Variants in DPEP1 observed in about 807,000 individuals in gnomAD.
The protein encoded by DPEP1 is beta-lactamase.
Under a neutral mutation model 42.3 loss-of-function variants are expected in DPEP1, and 50 were observed. The ratio of observed to expected loss-of-function variants is 1.18; its 90% CI spans 0.94 to 1.50. The LOEUF (loss-of-function observed/expected upper bound fraction) is 1.50. Among genes scored for constraint, DPEP1 ranks in the 40% most tolerant of loss-of-function variants. The pLI is 0.00. For synonymous variants in DPEP1, 297 were observed against 234.0 expected (o/e 1.27, Z -2.46); for missense variants, 663 against 553.0 (o/e 1.20, Z -1.99).
chr16:89,640,234 G>C (rs948907424), downstream of DPEP1, among the ~76,000 whole-genome samples: 1 of 152,230 alleles, frequency 6.6e-6, no homozygotes, highest in Non-Finnish European at 1.5e-5. Context: ...GGCCCTGGGG[G>C]TGAGGGGACT....
At position 89,636,254 on chromosome 16, in the gene DPEP1, C is replaced by G; in HGVS notation, c.238-10C>G. 6.2e-7 allele frequency: 1 copy of G among 1,602,636 alleles called. No individual in the cohort carries two copies. Among genetic ancestry groups the G allele is most frequent in the African/African-American group, 1.3e-5 (1 of 74,930 alleles). On this transcript the variant is annotated splice_polypyrimidine_tract_variant and intron_variant, in intron 3 of 10. Coordinates refer to ENST00000690203, the MANE Select transcript of DPEP1 (RefSeq NM_001389466.1). The stretch of plus-strand genomic sequence containing the variant: ...CTGCATCAGCTCCTGGCACCCCCTG[C>G]GGCCCACAGTTCTGGTCCGTGTACA...
intron 2 of DPEP1, among the ~76,000 whole-genome samples, chr16:89,634,091 C>CTT (rs3039849): frequency 2.4e-5 from 3 of 123,690 alleles, no homozygotes; most frequent in Admixed American, 8.3e-5. Flanking sequence ...TTCTCTTCTT[C>CTT]TTTTTTTTTT....
chr16:89,638,796 C>CA (rs1295642970), downstream of DPEP1, among the ~76,000 whole-genome samples: 4 of 36,692 alleles, frequency 1.1e-4, 1 homozygote, highest in Admixed American at 6.1e-4. Flanking sequence ...GCACGCACAC[C>CA]CCCCACCCCT....
chr16:89,638,199 G>A lies in DPEP1; in HGVS notation c.1213G>A (p.Val405Ile). 3 of 1,584,128 alleles carry A rather than the reference G, an allele frequency of 1.9e-6. No individual in the cohort carries two copies. The highest frequency in any genetic ancestry group is 2.6e-6 in the Non-Finnish European group (3 of 1,163,586). The change falls in exon 11 of 11, where the codon GTC becomes ATC. Residue 405 changes from valine (V) to isoleucine (I), a missense_variant. By Grantham distance (29) the Val-to-Ile change is conservative. Transcript: ENST00000690203. ...CCTGCTGGCCTCCCTCGCTCCCCTG[G>A]TCCTCTGTCTGTCTCTCCTGTGAAA... ...GLLLASLAPL[V>I]LCLSLL
intron 2 of DPEP1, among the ~76,000 whole-genome samples, chr16:89,634,588 CT>C (rs1233321964): frequency 1.3e-5 from 1 of 78,752 alleles, no homozygotes; most frequent in Non-Finnish European, 3.0e-5. Context: ...CCCCTTCCTT[CT>C]CCTTTCCCTT....
At chr16:89,625,209 C>G (rs919186057) in intron 1 of DPEP1, among the ~76,000 whole-genome samples, 2 of 152,032 alleles carry the variant, frequency 1.3e-5, no homozygotes, top group Non-Finnish European at 2.9e-5. Flanking sequence ...AATTAGCGTC[C>G]CATTCCCTGC....
chr16:89,636,376 T>C lies in DPEP1; in HGVS notation c.350T>C (p.Leu117Pro). 6.2e-7 allele frequency: 1 copy of C among 1,612,376 alleles called. No homozygotes were observed. The highest frequency in any genetic ancestry group is 8.5e-7 in the Non-Finnish European group (1 of 1,179,744). ...RMCRMYPETF[L>P]YVTSSAGIRQ... ...TGCCGGATGTACCCGGAGACCTTCCTGTATGTCACCAGCAGTGCAGGTGGG... is the reference window on the plus strand; with the variant it reads ...TGCCGGATGTACCCGGAGACCTTCCCGTATGTCACCAGCAGTGCAGGTGGG... The change falls in exon 4 of 11, where the codon CTG (leucine) becomes CCG (proline). Residue 117 changes from leucine (L) to proline (P), a missense_variant. Transcript: ENST00000690203.
intron 1 of DPEP1, among the ~76,000 whole-genome samples, chr16:89,623,709 A>T (rs1408468750): frequency 6.6e-6 from 1 of 152,022 alleles, no homozygotes; most frequent in Non-Finnish European, 1.5e-5. Flanking sequence ...GAGGAAATGG[A>T]GTGCACAGGA....
chr16:89,626,401 A>C (rs1274497867), intron 1 of DPEP1: 1 of 152,174 alleles, frequency 6.6e-6, no homozygotes, highest in Non-Finnish European at 1.5e-5. Context: ...AGCTGGCTGG[A>C]GTGCAGTGGC....
rs1484624492 is a variant in DPEP1, at chr16:89,637,635, A to G, written c.857A>G (p.His286Arg). The stretch of plus-strand genomic sequence containing the variant: ...ATACCTGCTGCTCCCTGGACAGACC[A>G]TCTGGATCACATCAAGGAGGTGGCA... ...NKANLSQVAD[H>R]LDHIKEVAGA... The change falls in exon 9 of 11, where the codon CAT (histidine) becomes CGT (arginine). Residue 286 changes from histidine to arginine, a missense_variant. Coordinates refer to ENST00000690203, the MANE Select transcript of DPEP1 (RefSeq NM_001389466.1). The G allele has an allele frequency of 6.2e-7, 1 of 1,612,966 alleles. No homozygotes were observed. Among genetic ancestry groups the G allele is most frequent in the Middle Eastern group, 1.7e-4 (1 of 6,060 alleles).
At chr16:89,633,230 C>T (rs2059612645) in intron 2 of DPEP1, among the ~76,000 whole-genome samples, 1 of 152,192 alleles carries the variant, frequency 6.6e-6, no homozygotes, top group Admixed American at 6.5e-5. Context: ...TGACCACCCA[C>T]TCTGCTCCGA....
In DPEP1 at chr16:89,629,331, A is replaced by G. The variant is rs577121489; in HGVS notation, c.-106-974A>G. On this transcript the variant is annotated intron_variant, in intron 1 of 10. Coordinates refer to ENST00000690203, the MANE Select transcript of DPEP1 (RefSeq NM_001389466.1). ...GCCTGGGAAACATGGGGAAGACCCC[A>G]TCTCTACAAAAAATACAAAAATTAG... Among the ~76,000 whole-genome samples, 21 of 152,214 alleles carry G rather than the reference A, an allele frequency of 1.4e-4. No individual in the cohort carries two copies. The East Asian group carries it at 3.9e-3, about 28-fold the overall frequency.
intron 1 of DPEP1, among the ~76,000 whole-genome samples, chr16:89,621,770 C>T (rs892283146): frequency 2.0e-5 from 3 of 152,192 alleles, no homozygotes; most frequent in Non-Finnish European, 2.9e-5. Context: ...TTACTCATCC[C>T]GTGGGAAAGT....
intron 1 of DPEP1, among the ~76,000 whole-genome samples, chr16:89,620,325 C>T (rs2059433121): frequency 6.6e-6 from 1 of 152,128 alleles, no homozygotes; most frequent in Non-Finnish European, 1.5e-5. Context: ...CCACTTGAGA[C>T]TCTCTGGGCT....
intron 2 of DPEP1, among the ~76,000 whole-genome samples, chr16:89,631,654 A>C (rs1363631246): frequency 6.6e-6 from 1 of 152,130 alleles, no homozygotes; most frequent in African/African-American, 2.4e-5. Flanking sequence ...TCAGGAGCTC[A>C]AGACCAGCCT....
At chr16:89,617,223 G>T (rs1459416856) in intron 1 of DPEP1, among the ~76,000 whole-genome samples, 6 of 152,174 alleles carry the variant, frequency 3.9e-5, no homozygotes, top group Non-Finnish European at 7.3e-5. Context: ...GAGATGGGGT[G>T]CTTGGGGCTC....
At chr16:89,640,468 C>A, downstream of DPEP1, 5 of 741,140 alleles carry the variant, frequency 6.7e-6, no homozygotes, top group Non-Finnish European at 8.2e-6. Context: ...GAGCAGGGGG[C>A]TCCGGGGTCC....
intron 6 of DPEP1, 89 bp downstream of exon 6, chr16:89,637,024 C>G: frequency 6.4e-7 from 1 of 1,557,184 alleles, no homozygotes; most frequent in South Asian, 1.2e-5. Flanking sequence ...TCACGTGGGA[C>G]CTCAGTGTCC....
At chr16:89,637,094 C>T in intron 6 of DPEP1, 110 bp from the exon 7 acceptor site, 4 of 1,529,396 alleles carry the variant, frequency 2.6e-6, no homozygotes, top group Non-Finnish European at 3.5e-6. Flanking sequence ...CCCTGAGTGG[C>T]CCCGGACTTC....
Sources: allele counts gnomAD v4.1 joint callset (sites outside exome capture counted in the v4.1 genomes callset), GRCh38; gene constraint gnomAD v4.1.1; transcripts MANE v1.5; gene names NCBI Gene and HGNC (gene_info 2026-07-23, HGNC 2026-07-21).